DISC1: variants seen among roughly 807,000 people sequenced by gnomAD.
DISC1 encodes the protein disrupted in schizophrenia 1 protein.
DISC1 carries 57 observed loss-of-function variants against 84.5 expected under a neutral mutation model. The ratio of observed to expected loss-of-function variants is 0.67; its 90% confidence interval spans 0.55 to 0.84. The LOEUF (loss-of-function observed/expected upper bound fraction) is 0.84. DISC1 is among the 40% of genes least tolerant of loss of function. DISC1 has a pLI of 0.00. For missense variants in DISC1, 1,000 were observed against 1,057.8 expected (o/e 0.95, Z 0.76); for synonymous variants, 411 against 415.2 (o/e 0.99, Z 0.12).
At chr1:231,779,549 G>GT (rs762129889) in intron 6 of DISC1, among the ~76,000 whole-genome samples, 1,194 of 53,600 alleles carry the variant, frequency 0.022, 122 homozygotes, top group African/African-American at 0.053. Flanking sequence ...ACCTATTCTT[G>GT]TTTTTTTTTT....
chr1:231,899,213 G>C (rs1247935732), intron 9 of DISC1, among the ~76,000 whole-genome samples: 11 of 152,192 alleles, frequency 7.2e-5, no homozygotes, highest in African/African-American at 2.4e-4. Flanking sequence ...CTCTGGGACA[G>C]TAGCTGTCAC....
At chr1:231,754,755 T>C (rs920323046) in intron 4 of DISC1, among the ~76,000 whole-genome samples, 1 of 152,232 alleles carries the variant, frequency 6.6e-6, no homozygotes, top group Non-Finnish European at 1.5e-5. Flanking sequence ...TCTCTTACAT[T>C]TGACTGTTTG....
intron 4 of DISC1, among the ~76,000 whole-genome samples, chr1:231,761,714 A>G (rs1050315698): frequency 6.6e-6 from 1 of 152,256 alleles, no homozygotes; most frequent in Non-Finnish European, 1.5e-5. Context: ...AACTTGTACT[A>G]TTAGCATAAG....
intron 9 of DISC1, among the ~76,000 whole-genome samples, chr1:231,824,314 T>G (rs191011601): frequency 2.0e-5 from 3 of 152,250 alleles, no homozygotes; most frequent in Admixed American, 2.0e-4. Context: ...AAATCTTTGG[T>G]CATTTAGATT....
rs113194710 is a variant in DISC1 at position 231,698,938 on chromosome 1, G to T, written c.1048-3017G>T. On this transcript the variant is annotated intron_variant, in intron 2 of 12. Transcript: ENST00000439617. This position sits in a 1 kb window ranked among gnomAD's most constrained non-coding sequence, Gnocchi z 4.9. The stretch of plus-strand genomic sequence containing the variant: ...TCAGAAAGCATTTATCAATGACAAC[G>T]AGTACAATGCCTTATCCTAGGCTTT... Among the ~76,000 whole-genome samples the T allele has an allele frequency of 1.7e-3, 266 of 152,238 alleles. 1 individual carries two copies. The highest frequency in any genetic ancestry group is 9.8e-3 in the East Asian group (51 of 5,188).
chr1:231,967,207 G>A (rs1182527506), intron 10 of DISC1, among the ~76,000 whole-genome samples: 1 of 152,200 alleles, frequency 6.6e-6, no homozygotes, highest in East Asian at 1.9e-4. Context: ...AAAGACCAAG[G>A]TCTGTTCCCT....
intron 9 of DISC1, among the ~76,000 whole-genome samples, chr1:231,916,654 CAAAA>C (rs3083755): frequency 2.0e-5 from 2 of 102,082 alleles, no homozygotes; most frequent in Non-Finnish European, 4.3e-5. Flanking sequence ...GACTCCGTCT[CAAAA>C]AAAAAAAAAA....
chr1:231,704,216 T>C (rs1313229825), intron 3 of DISC1, among the ~76,000 whole-genome samples: 1 of 152,130 alleles, frequency 6.6e-6, no homozygotes, highest in African/African-American at 2.4e-5. Context: ...ACTTGCCCTC[T>C]GAATGCATGG....
intron 9 of DISC1, among the ~76,000 whole-genome samples, chr1:231,891,319 T>C (rs551709936): frequency 3.9e-5 from 6 of 152,344 alleles, no homozygotes; most frequent in Non-Finnish European, 8.8e-5. Flanking sequence ...GCCTCTGGGT[T>C]GGACAAGCTT....
chr1:231,825,099 T>C (rs1574099837), intron 9 of DISC1, among the ~76,000 whole-genome samples: 1 of 152,322 alleles, frequency 6.6e-6, no homozygotes, highest in East Asian at 1.9e-4. Context: ...ATTTTCTTGC[T>C]CTCAGCTACT....
At chr1:231,883,311 C>CA (rs943501083) in intron 9 of DISC1, among the ~76,000 whole-genome samples, 2 of 151,676 alleles carry the variant, frequency 1.3e-5, no homozygotes, top group African/African-American at 2.4e-5. Flanking sequence ...CAGCAATGAA[C>CA]AAAAAAAACC....
chr1:231,999,162 T>C (rs1666339040), intron 10 of DISC1, among the ~76,000 whole-genome samples: 1 of 152,104 alleles, frequency 6.6e-6, no homozygotes. Context: ...AAGGGAGGAT[T>C]CCTGGTCTGG....
At chr1:231,716,419 T>G (rs753641355) in intron 3 of DISC1, among the ~76,000 whole-genome samples, 15 of 152,154 alleles carry the variant, frequency 9.9e-5, no homozygotes, top group Non-Finnish European at 1.8e-4. Flanking sequence ...CTCTTCACAT[T>G]GTCGTATGGC....
intron 1 of DISC1, among the ~76,000 whole-genome samples, chr1:231,683,194 GCAA>G (rs2063863091): frequency 6.6e-6 from 1 of 152,168 alleles, no homozygotes; most frequent in African/African-American, 2.4e-5. Context: ...ATTCTGCAAA[GCAA>G]CAACCTCTCT....
At chr1:231,739,416 A>G (rs372723450) in intron 3 of DISC1, among the ~76,000 whole-genome samples, 1 of 152,080 alleles carries the variant, frequency 6.6e-6, no homozygotes, top group South Asian at 2.1e-4. Flanking sequence ...GTTCCCCTCA[A>G]TGTGCCTCAT....
chr1:231,694,337 T>C lies in DISC1; in HGVS notation c.579T>C (p.Pro193=), dbSNP rs1245980558. The change falls in exon 2 of 13, where the codon CCT becomes CCC. Residue 193 remains proline (P), a synonymous_variant. Transcript: ENST00000439617. Reference sequence around the variant, plus strand: ...ACAGCTGCAGCCCTGGCTGTGGCCCTGAGGTCCCCCCAACCCCTCCTGGCT... The same window carrying C: ...ACAGCTGCAGCCCTGGCTGTGGCCCCGAGGTCCCCCCAACCCCTCCTGGCT... ...SSNSCSPGCG[P]EVPPTPPGSH... 6.8e-6 allele frequency: 11 copies of C among 1,614,238 alleles called. No homozygotes were observed. The highest frequency in any genetic ancestry group is 9.3e-6 in the Non-Finnish European group (11 of 1,180,032).
intron 9 of DISC1, among the ~76,000 whole-genome samples, chr1:231,884,809 A>T (rs2086568827): frequency 6.6e-6 from 1 of 152,184 alleles, no homozygotes; most frequent in Admixed American, 6.5e-5. Flanking sequence ...GAAAAAAAAA[A>T]AAAGAAAACC....
At chr1:231,637,267 G>T (rs570638054) in intron 1 of DISC1, among the ~76,000 whole-genome samples, 2 of 152,288 alleles carry the variant, frequency 1.3e-5, no homozygotes, top group South Asian at 4.1e-4. Context: ...GTAAACATAC[G>T]TGTGCATGTA....
At chr1:231,910,412 C>T (rs1438625260) in intron 9 of DISC1, among the ~76,000 whole-genome samples, 4 of 152,150 alleles carry the variant, frequency 2.6e-5, no homozygotes, top group Admixed American at 2.6e-4. Flanking sequence ...ATCTTTATTT[C>T]TGCCTTCATT....
Sources: allele counts gnomAD v4.1 joint callset (sites outside exome capture counted in the v4.1 genomes callset), GRCh38; gene constraint gnomAD v4.1.1; non-coding constraint Gnocchi (gnomAD v3.1); transcripts MANE v1.5; gene names NCBI Gene and HGNC (gene_info 2026-07-23, HGNC 2026-07-21).